The following ERI1 variants were observed in gnomAD, a reference collection of about 807,000 sequenced individuals.
ERI1 encodes 3'-5' exoribonuclease 1.
Under a neutral mutation model 39.7 loss-of-function variants are expected in ERI1, and 39 were observed. The ratio of observed to expected loss-of-function variants is 0.98; its 90% CI spans 0.76 to 1.28. ERI1 has a LOEUF of 1.28. Ranked by LOEUF, ERI1 falls within the 50% of genes most tolerant of loss-of-function variation. The pLI, the probability that ERI1 is intolerant of heterozygous loss-of-function variation, is 0.00. For synonymous variants in ERI1, 204 were observed against 149.6 expected, an observed-to-expected ratio of 1.36 and a Z score of -2.65; for missense variants, 581 against 416.9, an observed-to-expected ratio of 1.39 and a Z score of -3.43.
chr8:9,018,338 A>C lies in ERI1; in HGVS notation c.624A>C (p.Lys208Asn). The change falls in exon 5 of 7, where the codon AAA (lysine) becomes AAC (asparagine). Residue 208 changes from lysine to asparagine, a missense_variant. Transcript: ENST00000250263. ...DRADTFPQVL[K>N]KVIDWMKLKE... The stretch of plus-strand genomic sequence containing the variant: ...CTGATACCTTCCCTCAGGTACTAAA[A>C]AAAGTAATTGACTGGATGAAATTGA... 6.2e-7 allele frequency: 1 copy of C among 1,612,960 alleles called. No individual in the cohort carries two copies. The highest frequency in any genetic ancestry group is 8.5e-7 in the Non-Finnish European group (1 of 1,179,060).
At chr8:9,074,712 G>T (rs1201774155) in intron 3 of ERI1, among the ~76,000 whole-genome samples, 1 of 152,226 alleles carries the variant, frequency 6.6e-6, no homozygotes, top group Admixed American at 6.5e-5. Context: ...TGGGGTTACA[G>T]GCGTGAGCCA....
At chr8:9,018,818 C>G (rs554017744) in intron 5 of ERI1, among the ~76,000 whole-genome samples, 1 of 152,078 alleles carries the variant, frequency 6.6e-6, no homozygotes, top group Non-Finnish European at 1.5e-5. Context: ...TACCCTTTCT[C>G]TGTGTAGTTA....
At chr8:9,054,044 C>T (rs891777916) in intron 3 of ERI1, among the ~76,000 whole-genome samples, 7 of 128,370 alleles carry the variant, frequency 5.5e-5, no homozygotes, top group Admixed American at 5.2e-4. Flanking sequence ...CTAGAACTCC[C>T]ATTTCCACAT....
chr8:9,027,841 C>T (rs1797295791), intron 6 of ERI1, among the ~76,000 whole-genome samples: 1 of 152,164 alleles, frequency 6.6e-6, no homozygotes, highest in Admixed American at 6.5e-5. Context: ...CTTTCAATTA[C>T]TGCACTCCTT....
chr8:9,097,214 A>C (rs576148995), intron 3 of ERI1, among the ~76,000 whole-genome samples: 38 of 152,070 alleles, frequency 2.5e-4, no homozygotes, highest in Middle Eastern at 3.4e-3. Flanking sequence ...CATATGCTAC[A>C]TATTTTTTAT....
rs1797325705 is a variant in ERI1 at position 9,028,251 on chromosome 8, G to C, written c.808-1541G>C. Among the ~76,000 whole-genome samples, 3 of 152,122 alleles carry C rather than the reference G, an allele frequency of 2.0e-5. No individual in the cohort carries two copies. The South Asian group carries it at 6.2e-4, about 32-fold the overall frequency. On this transcript the variant is annotated intron_variant, in intron 6 of 6. Transcript: ENST00000250263. ...AGTTACTGATTCAGTCTCCTTCCTAGGTATAGGTCTATTCCGATTTTCTGT... is the reference window on the plus strand; with the variant it reads ...AGTTACTGATTCAGTCTCCTTCCTACGTATAGGTCTATTCCGATTTTCTGT...
chr8:9,013,519 GC>G (rs1187616771), intron 3 of ERI1, among the ~76,000 whole-genome samples: 1 of 151,674 alleles, frequency 6.6e-6, no homozygotes, highest in African/African-American at 2.4e-5. Context: ...CTCAATCCTA[GC>G]CCCCGTTCTC....
At chr8:9,068,290 G>A (rs550974430) in intron 3 of ERI1, among the ~76,000 whole-genome samples, 2 of 152,268 alleles carry the variant, frequency 1.3e-5, no homozygotes, top group East Asian at 3.9e-4. Context: ...TGCCCTTGGG[G>A]AAAGTAGTTT....
intron 3 of ERI1, among the ~76,000 whole-genome samples, chr8:9,060,247 T>TA (rs1197531127): frequency 4.6e-5 from 7 of 152,164 alleles, no homozygotes; most frequent in African/African-American, 1.7e-4. Context: ...ACCGAGGAAT[T>TA]ATGTCTGACA....
intron 1 of ERI1, among the ~76,000 whole-genome samples, chr8:9,007,162 TC>T (rs1816107479): frequency 6.6e-6 from 1 of 152,240 alleles, no homozygotes; most frequent in Admixed American, 6.5e-5. Context: ...TCATGTTTTT[TC>T]TTAACAGATT....
chr8:9,013,173 C>T (rs1385966882), intron 3 of ERI1, among the ~76,000 whole-genome samples: 2 of 151,872 alleles, frequency 1.3e-5, no homozygotes, highest in Non-Finnish European at 2.9e-5. Context: ...TGTCACCACG[C>T]CCGGCTAATT....
intron 1 of ERI1, among the ~76,000 whole-genome samples, chr8:9,007,460 CTTG>C (rs772535502): frequency 1.3e-5 from 2 of 152,144 alleles, no homozygotes; most frequent in Non-Finnish European, 2.9e-5. Flanking sequence ...TTGTGAAGGG[CTTG>C]TTGTATAGCC....
intron 3 of ERI1, among the ~76,000 whole-genome samples, chr8:9,063,814 A>G (rs1017869627): frequency 2.6e-5 from 4 of 152,186 alleles, no homozygotes; most frequent in Admixed American, 6.5e-5. Flanking sequence ...ACTGGGGTCA[A>G]GTGGCATTGC....
At position 9,018,165 on chromosome 8, in the gene ERI1, A is replaced by G. The variant is rs370961187; in HGVS notation, c.583-132A>G. The G allele has an allele frequency of 2.4e-4, 129 of 527,622 alleles. 1 individual carries two copies. The highest frequency in any genetic ancestry group is 1.0e-3 in the African/African-American group (53 of 52,600). 32.7% of individuals were successfully genotyped at this position (527,622 alleles called of 1,614,324 possible). A position where few individuals can be genotyped will look rare whatever the true frequency, so the allele number is the denominator to read the frequency against. On this transcript the variant is annotated intron_variant, in intron 4 of 6. Coordinates refer to ENST00000250263, the MANE Select transcript of ERI1 (RefSeq NM_153332.4). Reference sequence around the variant, plus strand: ...ATGAAACTTTAGGTGGAGCTAAGCCAAGGAAACCATGAATTTAAAGTATCA... The same window carrying G: ...ATGAAACTTTAGGTGGAGCTAAGCCGAGGAAACCATGAATTTAAAGTATCA...
intron 6 of ERI1, among the ~76,000 whole-genome samples, chr8:9,021,240 T>A (rs1325979832): frequency 6.6e-6 from 1 of 152,220 alleles, no homozygotes; most frequent in Non-Finnish European, 1.5e-5. Context: ...AGTCACTTCT[T>A]ATGACTGAGA....
chr8:9,003,846 G>T (rs929979435), intron 1 of ERI1, among the ~76,000 whole-genome samples: 1 of 152,212 alleles, frequency 6.6e-6, no homozygotes, highest in Non-Finnish European at 1.5e-5. Context: ...TAATAAACAT[G>T]TTGAACACTT....
At chr8:9,024,596 G>T (rs1335319549) in intron 6 of ERI1, among the ~76,000 whole-genome samples, 1 of 151,902 alleles carries the variant, frequency 6.6e-6, no homozygotes, top group Non-Finnish European at 1.5e-5. Flanking sequence ...TAATTTTATT[G>T]TATTTTTAGT....
chr8:9,082,487 C>T (rs1163359700), intron 3 of ERI1, among the ~76,000 whole-genome samples: 2 of 152,176 alleles, frequency 1.3e-5, no homozygotes, highest in Admixed American at 1.3e-4. Flanking sequence ...CTCCTGCTTT[C>T]TGGCATGAAA....
chr8:9,022,304 T>C (rs558747898), intron 6 of ERI1, among the ~76,000 whole-genome samples: 25 of 152,370 alleles, frequency 1.6e-4, no homozygotes, highest in Middle Eastern at 3.4e-3. Flanking sequence ...GTCTGTTTTT[T>C]CATTACCTGT....
Sources: gnomAD v4.1 joint callset for allele counts (sites outside exome capture counted in the v4.1 genomes callset) on GRCh38, gnomAD v4.1.1 for gene constraint, MANE v1.5 for transcripts, NCBI Gene and HGNC (gene_info 2026-07-23, HGNC 2026-07-21) for gene names.